CAMTA1: variants seen among roughly 807,000 people sequenced by gnomAD.
The protein encoded by CAMTA1 is calmodulin binding transcription activator 1, also known as calmodulin-binding transcription activator 1.
In CAMTA1, 27 loss-of-function variants were observed where a neutral mutation model predicts 170.9. That is an observed-to-expected ratio of 0.16 (90% CI 0.12 to 0.22). The LOEUF is 0.22. CAMTA1 is among the 10% of genes least tolerant of loss of function. CAMTA1 has a pLI of 1.00. For synonymous variants in CAMTA1, 833 were observed against 891.5 expected, an observed-to-expected ratio of 0.93 and a Z score of 1.17; for missense variants, 1,619 against 2,217.2, an observed-to-expected ratio of 0.73 and a Z score of 5.42.
At chr1:7,754,562 C>A (rs1440666328) in intron 21 of CAMTA1, among the ~76,000 whole-genome samples, 1 of 152,158 alleles carries the variant, frequency 6.6e-6, no homozygotes, top group Non-Finnish European at 1.5e-5. Flanking sequence ...AGTCCTTTCA[C>A]TTTTGTTTTT....
chr1:7,180,182 C>G (rs921648847), intron 4 of CAMTA1, among the ~76,000 whole-genome samples: 1 of 151,944 alleles, frequency 6.6e-6, no homozygotes, highest in Non-Finnish European at 1.5e-5. Context: ...GCGTGGCCAA[C>G]GTGGTAAAAC....
chr1:7,275,575 C>T (rs1007433659), intron 5 of CAMTA1, among the ~76,000 whole-genome samples: 1 of 151,954 alleles, frequency 6.6e-6, no homozygotes, highest in Non-Finnish European at 1.5e-5. Context: ...AAGGATGCAT[C>T]ACTACAGATG....
chr1:7,076,527 T>G (rs1639326055), intron 3 of CAMTA1, among the ~76,000 whole-genome samples: 1 of 152,188 alleles, frequency 6.6e-6, no homozygotes, highest in Admixed American at 6.5e-5. Context: ...TAATAAAATC[T>G]GAGGTTCTAA....
intron 5 of CAMTA1, among the ~76,000 whole-genome samples, chr1:7,372,547 G>C (rs535900893): frequency 6.6e-6 from 1 of 152,320 alleles, no homozygotes; most frequent in Non-Finnish European, 1.5e-5. Flanking sequence ...CCGTGATTGG[G>C]CATCTCGCGT....
intron 3 of CAMTA1, among the ~76,000 whole-genome samples, chr1:6,925,604 G>A (rs1449204283): frequency 1.3e-5 from 2 of 152,086 alleles, no homozygotes; most frequent in Non-Finnish European, 2.9e-5. Context: ...CTGAGGGAGG[G>A]GTCTCTGCCC....
intron 11 of CAMTA1, among the ~76,000 whole-genome samples, chr1:7,716,616 A>T (rs1026087161): frequency 2.3e-4 from 30 of 131,232 alleles, no homozygotes; most frequent in African/African-American, 8.1e-4. Flanking sequence ...TTGGGCTTTA[A>T]CTCTCACAAG....
chr1:7,075,718 AG>A (rs1639209977), intron 3 of CAMTA1, among the ~76,000 whole-genome samples: 1 of 147,116 alleles, frequency 6.8e-6, no homozygotes, highest in Admixed American at 6.9e-5. Context: ...GCTGGAGTGC[AG>A]TGGCACTCTC....
chr1:6,843,620 C>T (rs1656761860), intron 3 of CAMTA1, among the ~76,000 whole-genome samples: 1 of 152,184 alleles, frequency 6.6e-6, no homozygotes, highest in African/African-American at 2.4e-5. Context: ...GCTGGGATTA[C>T]AGGCACGCAC....
chr1:7,084,108 G>C (rs1640396830), intron 3 of CAMTA1, among the ~76,000 whole-genome samples: 1 of 151,898 alleles, frequency 6.6e-6, no homozygotes, highest in Non-Finnish European at 1.5e-5. Context: ...ATCTGAGACT[G>C]TATAGACTAT....
At chr1:7,658,734 G>A (rs1472425933) in intron 7 of CAMTA1, among the ~76,000 whole-genome samples, 4 of 152,190 alleles carry the variant, frequency 2.6e-5, no homozygotes, top group Admixed American at 2.6e-4. Context: ...TCTGTCTTCT[G>A]TATTGAATTT....
intron 1 of CAMTA1, among the ~76,000 whole-genome samples, chr1:6,806,597 A>G (rs749694305): frequency 5.3e-5 from 8 of 152,214 alleles, no homozygotes; most frequent in African/African-American, 9.6e-5. Context: ...ATTCACTGTT[A>G]GACTGGAATT....
chr1:7,287,275 A>G (rs1672481389), intron 5 of CAMTA1, among the ~76,000 whole-genome samples: 2 of 152,172 alleles, frequency 1.3e-5, no homozygotes, highest in South Asian at 4.1e-4. Flanking sequence ...AATGCATGGC[A>G]GTGTGATTCA....
At chr1:7,123,654 G>A (rs534680153) in intron 4 of CAMTA1, among the ~76,000 whole-genome samples, 159 of 152,276 alleles carry the variant, frequency 1.0e-3, no homozygotes, top group African/African-American at 3.6e-3. Context: ...TAGTACCTTG[G>A]CCCCTCTGAG....
At chr1:6,905,085 C>T (rs929798029) in intron 3 of CAMTA1, among the ~76,000 whole-genome samples, 2 of 151,904 alleles carry the variant, frequency 1.3e-5, no homozygotes, top group South Asian at 2.1e-4. Context: ...TCCATAAATT[C>T]TGCCTGTGAA....
rs1672357804 is a variant in CAMTA1 at position 7,286,428 on chromosome 1, G to T, written c.438+36802G>T. ...GAAGGTCCAAACAGAGATCTTCCAT[G>T]ACAGGTGCATCTGTGGCCGTGGCAT... On this transcript the variant is annotated intron_variant, in intron 5 of 22. Coordinates refer to ENST00000303635, the MANE Select transcript of CAMTA1 (RefSeq NM_015215.4). This position sits in a 1 kb window ranked among gnomAD's most constrained non-coding sequence, Gnocchi z 4.2. Among the ~76,000 whole-genome samples, 1 of 152,198 alleles carries T rather than the reference G, an allele frequency of 6.6e-6. No homozygotes were observed. Among genetic ancestry groups the T allele is most frequent in the African/African-American group, 2.4e-5 (1 of 41,452 alleles).
At chr1:6,952,625 G>T (rs1273314494) in intron 3 of CAMTA1, among the ~76,000 whole-genome samples, 2 of 151,920 alleles carry the variant, frequency 1.3e-5, no homozygotes, top group Non-Finnish European at 2.9e-5. Context: ...TTGAGGTCAG[G>T]AGTTGGAGAC....
chr1:6,904,377 A>G (rs540334964), intron 3 of CAMTA1, among the ~76,000 whole-genome samples: 2 of 152,168 alleles, frequency 1.3e-5, no homozygotes, highest in Admixed American at 1.3e-4. Context: ...GCCCCTTTCA[A>G]GGGCACCCTC....
rs1170645787 is a variant in CAMTA1 at position 6,965,033 on chromosome 1, G to A, written c.235-126271G>A. ...GAGACTTAGAGTCTGTGCTAACAGA[G>A]AGGGAGGGTCTTGTCTGGGAGACTT... On this transcript the variant is annotated intron_variant, in intron 3 of 22. Transcript: ENST00000303635. The surrounding 1 kb of genome is among the most constrained non-coding windows in gnomAD (Gnocchi z 4.1). 2.0e-5 allele frequency among the ~76,000 whole-genome samples: 3 copies of A among 152,264 alleles called. No individual in the cohort carries two copies. The highest frequency in any genetic ancestry group is 2.0e-4 in the Admixed American group (3 of 15,292).
chr1:7,056,408 T>G (rs1162602207), intron 3 of CAMTA1, among the ~76,000 whole-genome samples: 1 of 152,212 alleles, frequency 6.6e-6, no homozygotes, highest in East Asian at 1.9e-4. Context: ...AGCTGACCCA[T>G]CAGGCTGAGG....
Sources: gnomAD v4.1 joint callset for allele counts (sites outside exome capture counted in the v4.1 genomes callset) on GRCh38, gnomAD v4.1.1 for gene constraint, Gnocchi (gnomAD v3.1) non-coding constraint, MANE v1.5 for transcripts, NCBI Gene and HGNC (gene_info 2026-07-23, HGNC 2026-07-21) for gene names.